The following ITPR3 variants were observed in gnomAD, a reference collection of about 807,000 sequenced individuals.
ITPR3 encodes the protein inositol 1,4,5-trisphosphate-gated calcium channel ITPR3.
Under a neutral mutation model 293.2 loss-of-function variants are expected in ITPR3, and 173 were observed. The ratio of observed to expected loss-of-function variants is 0.59; its 90% CI spans 0.52 to 0.67. The LOEUF (loss-of-function observed/expected upper bound fraction) is 0.67. Ranked by LOEUF, ITPR3 falls within the 30% of genes least tolerant of loss-of-function variation. ITPR3 has a pLI of 0.00. For synonymous variants in ITPR3, 1,295 were observed against 1,444.4 expected (o/e 0.90, Z 2.35); for missense variants, 2,796 against 3,592.1 (o/e 0.78, Z 5.66).
intron 43 of ITPR3, 79 bp from the exon 44 acceptor site, chr6:33,686,930 T>C: frequency 9.0e-7 from 1 of 1,109,320 alleles, no homozygotes; most frequent in African/African-American, 1.5e-5. Context: ...AGAGCTGTTA[T>C]GGAGAGGAAT....
chr6:33,672,275 G>A lies in ITPR3; in HGVS notation c.2928+47G>A. On this transcript the variant is annotated intron_variant, in intron 22 of 57. Transcript: ENST00000605930. This position sits in a 1 kb window ranked among gnomAD's most constrained non-coding sequence, Gnocchi z 5.0. ...GGGAGGTGTTGGGTATAGGGGGAGG[G>A]TAATGGGGCGGGTACAGGGAGGCTG... is the stretch of plus-strand genomic sequence containing the variant. 1.1e-6 allele frequency: 1 copy of A among 906,700 alleles called. No homozygotes were observed. Among genetic ancestry groups the A allele is most frequent in the Middle Eastern group, 2.5e-4 (1 of 4,056 alleles). The allele number at this position is 906,700 out of a possible 1,614,324, so 56.2% of individuals were successfully genotyped here.
intron 2 of ITPR3, among the ~76,000 whole-genome samples, chr6:33,651,837 T>C (rs111376454): frequency 0.02 from 2,978 of 152,320 alleles, 103 homozygotes; most frequent in African/African-American, 0.066. Context: ...TGGAGCCTGG[T>C]ACCATGACCA....
At position 33,663,795 on chromosome 6, in the gene ITPR3, G is replaced by GT; in HGVS notation, c.1064dup (p.Ala356GlyfsTer7). On this transcript the variant is annotated frameshift_variant, in exon 11 of 58. Transcript: ENST00000605930. LOFTEE classifies it high-confidence loss of function. ...TGGGGAGAAGATCAAGTACTGCCTG[G>GT]TGGCTGTGCCTCATGGCAATGACAT... The GT allele has an allele frequency of 6.2e-7, 1 of 1,614,198 alleles. No homozygotes were observed. The highest frequency in any genetic ancestry group is 8.5e-7 in the Non-Finnish European group (1 of 1,180,018).
In ITPR3 at chr6:33,688,344, C is replaced by T. The variant is rs373981721; in HGVS notation, c.6481C>T (p.Gln2161Ter). The stretch of plus-strand genomic sequence containing the variant: ...GCACCGGCTCTTCACCACTACTGAG[C>T]AGGACGAGCAGGGCAGCAAAGTGAG... ...TKHRLFTTTE[Q>*]DEQGSKVSDF... Residue 2161 changes from glutamine to a stop codon, truncating the protein, a stop_gained, in exon 48 of 58, where the codon CAG (glutamine) becomes TAG (stop). Coordinates refer to ENST00000605930, the MANE Select transcript of ITPR3 (RefSeq NM_002224.4). LOFTEE classifies it high-confidence loss of function. The T allele has an allele frequency of 1.9e-6, 3 of 1,613,186 alleles. No individual in the cohort carries two copies. Among genetic ancestry groups the T allele is most frequent in the African/African-American group, 2.7e-5 (2 of 74,590 alleles).
At position 33,665,488 on chromosome 6, in the gene ITPR3, C is replaced by T. The variant is rs141061387; in HGVS notation, c.1409+275C>T. Among the ~76,000 whole-genome samples the T allele has an allele frequency of 6.0e-3, 908 of 152,316 alleles. 10 individuals are homozygous for T. The highest frequency in any genetic ancestry group is 0.02 in the African/African-American group (817 of 41,564). The stretch of plus-strand genomic sequence containing the variant: ...TCTGAGGCTCAGAGAGGTTACGAGA[C>T]TTGCTCGGGGTCACAGTTAGTAAGT... On this transcript the variant is annotated intron_variant, in intron 13 of 57. Coordinates refer to ENST00000605930, the MANE Select transcript of ITPR3 (RefSeq NM_002224.4).
chr6:33,662,990 A>G lies in ITPR3; in HGVS notation c.938A>G (p.Asn313Ser). The change falls in exon 9 of 58, where the codon AAC (asparagine) becomes AGC (serine). Residue 313 changes from asparagine to serine, a missense_variant. Transcript: ENST00000605930. ...LYRFKHLATG[N>S]YLAAEENPSY... ...CGCTTCAAGCACCTGGCTACAGGCA[A>G]CTACCTGGCTGCTGAGGTGAGCGGG... The G allele has an allele frequency of 1.2e-6, 2 of 1,600,944 alleles. No homozygotes were observed. Among genetic ancestry groups the G allele is most frequent in the Non-Finnish European group, 1.7e-6 (2 of 1,173,206 alleles).
In ITPR3 at chr6:33,670,503, C is replaced by T. The variant is rs746216904; in HGVS notation, c.2368C>T (p.Pro790Ser). Reference sequence around the variant, plus strand: ...GCTGCACGTGCACGTGGACCGTGACCCCCAGGAGCTGGTCACGCCGGTCAA... The same window carrying T: ...GCTGCACGTGCACGTGGACCGTGACTCCCAGGAGCTGGTCACGCCGGTCAA... The part of the protein sequence containing the change: ...LMLHVHVDRD[P>S]QELVTPVKFA... The change falls in exon 19 of 58, where the codon CCC becomes TCC. Residue 790 changes from proline (P) to serine (S), a missense_variant. This residue lies in a region of ITPR3 where 955 missense variants were observed against 1,180.8 expected (regional missense o/e 0.81). Coordinates refer to ENST00000605930, the MANE Select transcript of ITPR3 (RefSeq NM_002224.4). This position sits in a 1 kb window ranked among gnomAD's most constrained non-coding sequence, Gnocchi z 6.7. 3.7e-5 allele frequency: 60 copies of T among 1,613,956 alleles called. No homozygotes were observed. Among genetic ancestry groups the T allele is most frequent in the Non-Finnish European group, 5.0e-5 (59 of 1,180,014 alleles).
rs145078936 is a variant in ITPR3 at position 33,662,152 on chromosome 6, G to T, written c.712-376G>T. On this transcript the variant is annotated intron_variant, in intron 7 of 57. Coordinates refer to ENST00000605930, the MANE Select transcript of ITPR3 (RefSeq NM_002224.4). ...CAGAAAGGACCCTGAGAGAGGGGCAGCCATGGCCCCGGGGACACTGAGGGG... is the reference window on the plus strand; with the variant it reads ...CAGAAAGGACCCTGAGAGAGGGGCATCCATGGCCCCGGGGACACTGAGGGG... 2.0e-5 allele frequency among the ~76,000 whole-genome samples: 3 copies of T among 152,206 alleles called. 1 individual carries two copies. In the East Asian group the frequency reaches 5.8e-4, roughly 29 times the overall value.
At chr6:33,628,829 G>A (rs1405272451) in intron 1 of ITPR3, among the ~76,000 whole-genome samples, 2 of 152,140 alleles carry the variant, frequency 1.3e-5, no homozygotes, top group African/African-American at 4.8e-5. Flanking sequence ...TGCATATTTG[G>A]TTAGCAAATT....
At position 33,693,566 on chromosome 6, in the gene ITPR3, A is replaced by G. The variant is rs773862366; in HGVS notation, c.7646A>G (p.Asp2549Gly). Residue 2549 changes from aspartate (D) to glycine (G), a missense_variant, in exon 56 of 58, where the codon GAT becomes GGT. Physicochemically the swap from Asp to Gly is moderately conservative, Grantham distance 94 (BLOSUM62 -1). Around this residue, in one of 8 missense-constraint regions of ITPR3, gnomAD observed 568 missense variants for 796.1 expected, o/e 0.71. Transcript: ENST00000605930. ...TCAGGTCTGGAGAGGGACAAGTTTG[A>G]TAACAAGACAGTGTCATTTGAGGAA... ...FICGLERDKFDNKTVSFEEHI... is the reference protein window; with the variant it reads ...FICGLERDKFGNKTVSFEEHI... 5.0e-6 allele frequency: 8 copies of G among 1,614,138 alleles called. No homozygotes were observed. The highest frequency in any genetic ancestry group is 6.8e-6 in the Non-Finnish European group (8 of 1,180,004).
At position 33,694,672 on chromosome 6, in the gene ITPR3, C is replaced by G. The variant is rs149898410; in HGVS notation, c.7786-252C>G. The G allele has an allele frequency of 1.4e-3, 738 of 517,260 alleles. 8 individuals carry two copies. The highest frequency in any genetic ancestry group is 0.013 in the African/African-American group (686 of 51,992). The allele number at this position is 517,260 out of a possible 1,614,324, so 32.0% of individuals were successfully genotyped here. On this transcript the variant is annotated intron_variant, in intron 56 of 57. Transcript: ENST00000605930. ...ATGGTGCTGATACCAGCAAAGGACTCAAACTCAGCTGCCGACGCTGCCTAA... is the reference window on the plus strand; with the variant it reads ...ATGGTGCTGATACCAGCAAAGGACTGAAACTCAGCTGCCGACGCTGCCTAA...
rs1764979770 is a variant in ITPR3 at position 33,678,633 on chromosome 6, C to T, written c.3772-6C>T. The T allele has an allele frequency of 6.2e-7, 1 of 1,610,746 alleles. No individual in the cohort carries two copies. The highest frequency in any genetic ancestry group is 8.5e-7 in the Non-Finnish European group (1 of 1,178,952). On this transcript the variant is annotated splice_polypyrimidine_tract_variant and splice_region_variant and intron_variant, in intron 29 of 57. Transcript: ENST00000605930. ...ATCTCTTTCTGACAGATGCCCCCCA[C>T]TGCAGCTCCTGGAGGCAGAGACCAT...
At position 33,690,934 on chromosome 6, in the gene ITPR3, C is replaced by A; in HGVS notation, c.7050C>A (p.Tyr2350Ter). The A allele has an allele frequency of 6.2e-7, 1 of 1,614,154 alleles. No homozygotes were observed. ...FYSILLFDLI[Y>*]REETLFNVIK... ...TCCTGCAGCTCTTTGACCTCATCTA[C>A]CGCGAGGAGACGCTGTTCAACGTCA... The change falls in exon 52 of 58, where the codon TAC becomes TAA. Residue 2350 changes from tyrosine (Y) to a stop codon, truncating the protein, a stop_gained. Transcript: ENST00000605930. LOFTEE classifies it high-confidence loss of function.
intron 1 of ITPR3, among the ~76,000 whole-genome samples, chr6:33,640,118 C>T (rs1207744645): frequency 6.6e-6 from 1 of 152,168 alleles, no homozygotes; most frequent in African/African-American, 2.4e-5. Flanking sequence ...CTCCTGCCCC[C>T]TTCACCCACT....
Position 33,677,026 on chromosome 6 carries a change from C to G in ITPR3, c.3459C>G (p.Asp1153Glu), listed in dbSNP as rs377753110. Residue 1153 changes from aspartate to glutamate, a missense_variant, in exon 27 of 58, where the codon GAC (aspartate) becomes GAG (glutamate). Coordinates refer to ENST00000605930, the MANE Select transcript of ITPR3 (RefSeq NM_002224.4). Reference protein sequence around the residue: ...AAKDKKERPTDEEGFLHPPGE... With the variant: ...AAKDKKERPTEEEGFLHPPGE... ...CTCTCTGCTTTCAGCGTCCCACGGACGAGGAGGGCTTTCTGCACCCACCAG... is the reference window on the plus strand; with the variant it reads ...CTCTCTGCTTTCAGCGTCCCACGGAGGAGGAGGGCTTTCTGCACCCACCAG... 1 of 1,614,054 alleles carries G rather than the reference C, an allele frequency of 6.2e-7. No individual in the cohort carries two copies. Among genetic ancestry groups the G allele is most frequent in the Non-Finnish European group, 8.5e-7 (1 of 1,180,030 alleles).
rs181226366 is a variant in ITPR3 at position 33,650,767 on chromosome 6, G to A, written c.161-4999G>A. ...GTCTGCTATGTCATTTTTTTTTATC[G>A]TTTTCTGTTCTCTGCAGGGATCTTC... On this transcript the variant is annotated intron_variant, in intron 2 of 57. Transcript: ENST00000605930. 2.3e-4 allele frequency among the ~76,000 whole-genome samples: 34 copies of A among 146,490 alleles called. No homozygotes were observed. In the East Asian group the frequency reaches 6.2e-3, roughly 27 times the overall value.
chr6:33,695,451 G>C (rs769424412), intron 57 of ITPR3: 1 of 573,622 alleles, frequency 1.7e-6, no homozygotes, highest in Non-Finnish European at 3.1e-6. Context: ...GGCAGTGCCT[G>C]CATGAAGATG....
In ITPR3 at chr6:33,685,556, A is replaced by T. The variant is rs1178668293; in HGVS notation, c.5482+23A>T. On this transcript the variant is annotated intron_variant, in intron 40 of 57. Coordinates refer to ENST00000605930, the MANE Select transcript of ITPR3 (RefSeq NM_002224.4). ...AAGGTCAGGGGTCTGAGGCAGAGGC[A>T]CGGCGTGACGGGGATCCCAGGATAA... 2.5e-6 allele frequency: 4 copies of T among 1,605,482 alleles called. No homozygotes were observed. In the African/African-American group the frequency reaches 4.0e-5, roughly 16 times the overall value.
chr6:33,667,034 G>GT lies in ITPR3; in HGVS notation c.1552-95_1552-94insT. 1 of 1,444,416 alleles carries GT rather than the reference G, an allele frequency of 6.9e-7. No individual in the cohort carries two copies. 89.5% of individuals were successfully genotyped at this position (1,444,416 alleles called of 1,614,324 possible). On this transcript the variant is annotated intron_variant, in intron 14 of 57. Transcript: ENST00000605930. This position sits in a 1 kb window ranked among gnomAD's most constrained non-coding sequence, Gnocchi z 4.4. ...AGCTGATGTCCGGGCTGGCTTTAGG[G>GT]CAGAGTCAGTTGGGACTCAGGGATG...
Sources: gnomAD v4.1 joint callset for allele counts (sites outside exome capture counted in the v4.1 genomes callset) on GRCh38, gnomAD v4.1.1 for gene constraint, gnomAD v4.1.1 regional missense constraint, Gnocchi (gnomAD v3.1) non-coding constraint, MANE v1.5 for transcripts, NCBI Gene and HGNC (gene_info 2026-07-23, HGNC 2026-07-21) for gene names.